ERBB4: variants seen among roughly 807,000 people sequenced by gnomAD.
The protein encoded by ERBB4 is receptor tyrosine-protein kinase erbB-4.
In ERBB4, 42 loss-of-function variants were observed where a neutral mutation model predicts 158.0. The ratio of observed to expected loss-of-function variants is 0.27; its 90% CI spans 0.21 to 0.34. The LOEUF is 0.34. ERBB4 is among the 10% of genes least tolerant of loss of function. ERBB4 has a pLI of 1.00. For synonymous variants in ERBB4, 583 were observed against 558.7 expected (o/e 1.04, Z -0.61); for missense variants, 1,333 against 1,624.1 (o/e 0.82, Z 3.08).
rs1431793618 is a variant in ERBB4 at position 211,376,207 on chromosome 2, G to A, written c.*7408C>T. The stretch of plus-strand genomic sequence containing the variant: ...CAGAGGTTGAACACATCACAATAGT[G>A]CTGAACACAGAATCACAAGTAATGT... On this transcript the variant is annotated 3_prime_UTR_variant, in exon 28 of 28. Transcript: ENST00000342788. 1 of 232,938 alleles carries A rather than the reference G, an allele frequency of 4.3e-6. No homozygotes were observed. Among genetic ancestry groups the A allele is most frequent in the Non-Finnish European group, 8.5e-6 (1 of 117,736 alleles). The allele number at this position is 232,938 out of a possible 1,614,324, so 14.4% of individuals were successfully genotyped here. A position where few individuals can be genotyped will look rare whatever the true frequency, so the allele number is the denominator to read the frequency against.
chr2:212,098,269 C>A (rs1321070031), intron 2 of ERBB4, among the ~76,000 whole-genome samples: 1 of 152,088 alleles, frequency 6.6e-6, no homozygotes, highest in Non-Finnish European at 1.5e-5. Context: ...GAAGAAATTG[C>A]AAGCTTCTAT....
intron 3 of ERBB4, among the ~76,000 whole-genome samples, chr2:211,887,524 T>C (rs1232037315): frequency 6.6e-6 from 1 of 152,198 alleles, no homozygotes; most frequent in East Asian, 1.9e-4. Flanking sequence ...GTGTCATTTA[T>C]AGTTCTCTGT....
intron 1 of ERBB4, among the ~76,000 whole-genome samples, chr2:212,167,593 T>A (rs1028107356): frequency 1.3e-5 from 2 of 152,172 alleles, no homozygotes; most frequent in Non-Finnish European, 1.5e-5. Flanking sequence ...TTACTGAGTA[T>A]ATACCCAAAG....
intron 1 of ERBB4, among the ~76,000 whole-genome samples, chr2:212,186,645 C>T (rs2082024617): frequency 6.6e-6 from 1 of 152,122 alleles, no homozygotes; most frequent in Admixed American, 6.6e-5. Flanking sequence ...CTTCTTTTCT[C>T]TGCCACTTTT....
At chr2:212,339,826 T>C (rs1295721209) in intron 1 of ERBB4, among the ~76,000 whole-genome samples, 1 of 152,096 alleles carries the variant, frequency 6.6e-6, no homozygotes. Flanking sequence ...CACTATAATA[T>C]TATTGTAGTC....
At chr2:211,443,338 A>G (rs879372606) in intron 20 of ERBB4, among the ~76,000 whole-genome samples, 1 of 152,018 alleles carries the variant, frequency 6.6e-6, no homozygotes, top group Non-Finnish European at 1.5e-5. Context: ...ACATCTGTTA[A>G]TTTTCAGGCT....
In ERBB4 at chr2:211,428,211, TTAAAA is replaced by T. The variant is rs55861364; in HGVS notation, c.2719+192_2719+196del. 0.045 allele frequency among the ~76,000 whole-genome samples: 6,636 copies of T among 147,144 alleles called. 474 individuals are homozygous for T. Among genetic ancestry groups the T allele is most frequent in the African/African-American group, 0.16 (6,237 of 39,984 alleles). ...AGGTTCTGCATGTGTATCGCAGAAC[TTAAAA>T]TAAAATAAAATAAAATAAAATAAAA... On this transcript the variant is annotated intron_variant, in intron 22 of 27. Coordinates refer to ENST00000342788, the MANE Select transcript of ERBB4 (RefSeq NM_005235.3).
chr2:211,546,303 T>C (rs1196052861), intron 20 of ERBB4, among the ~76,000 whole-genome samples: 1 of 152,112 alleles, frequency 6.6e-6, no homozygotes, highest in African/African-American at 2.4e-5. Context: ...TGTGTAAAAA[T>C]AATACATATG....
intron 20 of ERBB4, among the ~76,000 whole-genome samples, chr2:211,551,536 T>C (rs2067097344): frequency 6.6e-6 from 1 of 152,188 alleles, no homozygotes; most frequent in African/African-American, 2.4e-5. Context: ...ACAACTGGTA[T>C]TCACAAACTT....
At chr2:211,771,088 A>G (rs942988521) in intron 4 of ERBB4, among the ~76,000 whole-genome samples, 30 of 152,210 alleles carry the variant, frequency 2.0e-4, no homozygotes, top group Non-Finnish European at 1.5e-4. Flanking sequence ...GGCCAGTGCT[A>G]CTTACACCTC....
intron 16 of ERBB4, among the ~76,000 whole-genome samples, chr2:211,647,308 T>C (rs961588858): frequency 2.6e-5 from 4 of 151,712 alleles, no homozygotes; most frequent in Admixed American, 6.6e-5. Context: ...TCTCAAAATA[T>C]CTTTCTCTTG....
intron 1 of ERBB4, among the ~76,000 whole-genome samples, chr2:212,414,942 C>G (rs1169108888): frequency 2.6e-5 from 4 of 152,158 alleles, no homozygotes. Flanking sequence ...ATCCAGACAT[C>G]GACTTTAAGG....
chr2:212,466,155 C>T (rs1053080972), intron 1 of ERBB4, among the ~76,000 whole-genome samples: 2 of 152,098 alleles, frequency 1.3e-5, no homozygotes, highest in East Asian at 3.8e-4. Flanking sequence ...AATTATAATT[C>T]CAACAGTAGT....
At chr2:212,183,432 A>G (rs1283468689) in intron 1 of ERBB4, among the ~76,000 whole-genome samples, 3 of 152,034 alleles carry the variant, frequency 2.0e-5, no homozygotes, top group Admixed American at 6.6e-5. Flanking sequence ...AACAATAGCA[A>G]TGTTCCTGGA....
At chr2:211,882,098 C>A (rs1312821796) in intron 3 of ERBB4, among the ~76,000 whole-genome samples, 3 of 152,154 alleles carry the variant, frequency 2.0e-5, no homozygotes, top group Admixed American at 6.5e-5. Flanking sequence ...CTTTATCAAA[C>A]AAGGACAATT....
intron 14 of ERBB4, among the ~76,000 whole-genome samples, chr2:211,667,443 GA>G (rs561735051): frequency 0.034 from 3,731 of 110,060 alleles, 87 homozygotes; most frequent in African/African-American, 0.083. Context: ...CTCAGAGCTC[GA>G]AAAAAAAAAA....
rs577156766 is a variant in ERBB4, at chr2:211,814,489, T to C, written c.422-26330A>G. ...ATTGCACAGAAAATAATTAGAATAG[T>C]ATAGAGGTACTAAGATGAAAAACTG... On this transcript the variant is annotated intron_variant, in intron 3 of 27. Transcript: ENST00000342788. Among the ~76,000 whole-genome samples, 76 of 152,236 alleles carry C rather than the reference T, an allele frequency of 5.0e-4. 1 individual carries two copies. Among genetic ancestry groups the C allele is most frequent in the African/African-American group, 1.8e-3 (74 of 41,532 alleles).
intron 19 of ERBB4, among the ~76,000 whole-genome samples, chr2:211,593,139 T>A (rs2068527207): frequency 1.3e-5 from 2 of 151,940 alleles, no homozygotes; most frequent in African/African-American, 4.8e-5. Context: ...TAGCAGAAAG[T>A]CAATGGGGCA....
At chr2:211,977,595 T>C (rs2081649674) in intron 2 of ERBB4, among the ~76,000 whole-genome samples, 1 of 142,340 alleles carries the variant, frequency 7.0e-6, no homozygotes. Flanking sequence ...CCTAGCGCTT[T>C]GGGAGCCCAA....
Sources: allele counts gnomAD v4.1 joint callset (sites outside exome capture counted in the v4.1 genomes callset), GRCh38; gene constraint gnomAD v4.1.1; transcripts MANE v1.5; gene names NCBI Gene and HGNC (gene_info 2026-07-23, HGNC 2026-07-21).